GRB10: variants seen among roughly 807,000 people sequenced by gnomAD.
GRB10 encodes the protein growth factor receptor-bound protein 10.
A neutral mutation model predicts 80.9 loss-of-function variants in GRB10; 20 were observed. The ratio of observed to expected loss-of-function variants is 0.25; its 90% CI spans 0.17 to 0.36. The LOEUF (loss-of-function observed/expected upper bound fraction) is 0.36. GRB10 is among the 10% of genes least tolerant of loss of function. The pLI is 1.00. For missense variants in GRB10, 548 were observed against 747.7 expected (o/e 0.73, Z 3.12); for synonymous variants, 291 against 291.5 (o/e 1.00, Z 0.02).
intron 2 of GRB10, among the ~76,000 whole-genome samples, chr7:50,775,075 A>G (rs1177322366): frequency 6.7e-6 from 1 of 148,212 alleles, no homozygotes; most frequent in Non-Finnish European, 1.5e-5. Flanking sequence ...GTGGGAAGAT[A>G]GCTTGAGCCC....
chr7:50,724,650 C>T (rs1470523967), intron 4 of GRB10, among the ~76,000 whole-genome samples: 1 of 152,086 alleles, frequency 6.6e-6, no homozygotes, highest in Non-Finnish European at 1.5e-5. Context: ...GAGGGCTAGG[C>T]AAGACAGGAG....
intron 4 of GRB10, among the ~76,000 whole-genome samples, chr7:50,707,424 G>A (rs2153671370): frequency 6.6e-6 from 1 of 152,188 alleles, no homozygotes; most frequent in East Asian, 1.9e-4. Flanking sequence ...CCACAGAGCT[G>A]CCCGCTCCCG....
At chr7:50,672,752 C>T (rs1037993007) in intron 6 of GRB10, among the ~76,000 whole-genome samples, 2 of 152,236 alleles carry the variant, frequency 1.3e-5, no homozygotes, top group South Asian at 4.1e-4. Context: ...GGCACCTTCG[C>T]CATGCAACTG....
chr7:50,651,101 A>C (rs1470455766), intron 7 of GRB10, among the ~76,000 whole-genome samples: 1 of 152,216 alleles, frequency 6.6e-6, no homozygotes, highest in African/African-American at 2.4e-5. Flanking sequence ...TTATTCAACT[A>C]TATATTTTTC....
chr7:50,676,929 G>T (rs2061024352), intron 5 of GRB10, among the ~76,000 whole-genome samples: 1 of 152,200 alleles, frequency 6.6e-6, no homozygotes, highest in Non-Finnish European at 1.5e-5. Flanking sequence ...TGGCAGCGAT[G>T]AGATCACTGA....
intron 5 of GRB10, among the ~76,000 whole-genome samples, chr7:50,701,920 T>G (rs879028655): frequency 6.6e-6 from 1 of 152,260 alleles, no homozygotes; most frequent in African/African-American, 2.4e-5. Context: ...CACTTTTTTT[T>G]GTTGCATATA....
chr7:50,691,933 A>G (rs1038603997), intron 5 of GRB10, among the ~76,000 whole-genome samples: 10 of 152,212 alleles, frequency 6.6e-5, no homozygotes, highest in African/African-American at 2.2e-4. Context: ...GAAATAGCAC[A>G]GTTTCACCAT....
intron 7 of GRB10, among the ~76,000 whole-genome samples, chr7:50,632,214 T>G (rs1043742123): frequency 5.9e-5 from 9 of 152,224 alleles, no homozygotes; most frequent in African/African-American, 1.9e-4. Flanking sequence ...GCACTACACA[T>G]GATTATATGG....
chr7:50,765,972 A>C (rs915177167), intron 2 of GRB10, among the ~76,000 whole-genome samples: 4 of 152,240 alleles, frequency 2.6e-5, no homozygotes, highest in African/African-American at 9.6e-5. Flanking sequence ...CATCAATTAA[A>C]AAGTAATTAG....
rs548312331 is a variant in GRB10 at position 50,644,631 on chromosome 7, CTG to C, written c.505-17655_505-17654del. Among the ~76,000 whole-genome samples the C allele has an allele frequency of 2.6e-3, 390 of 152,322 alleles. 1 individual carries two copies. The highest frequency in any genetic ancestry group is 4.4e-3 in the Non-Finnish European group (302 of 68,032). ...CCATCAGTAAGCAGGACAGGTCTAA[CTG>C]TGATTTCCTGAGTAGGGAACCTCAG... On this transcript the variant is annotated intron_variant, in intron 7 of 18. Transcript: ENST00000401949.
chr7:50,757,671 A>C (rs11238311), intron 2 of GRB10, among the ~76,000 whole-genome samples: 94,551 of 152,176 alleles, frequency 0.62, 32,140 homozygotes, highest in Middle Eastern at 0.87. Flanking sequence ...TAAGTGACTA[A>C]AAGATAAGAA....
At chr7:50,639,853 A>T (rs6593080) in intron 7 of GRB10, among the ~76,000 whole-genome samples, 8,118 of 152,234 alleles carry the variant, frequency 0.053, 707 homozygotes, top group African/African-American at 0.18. Context: ...CTCATCTGCC[A>T]TTTTTTTAAA....
At chr7:50,731,100 A>C (rs891544863) in intron 4 of GRB10, among the ~76,000 whole-genome samples, 7 of 152,182 alleles carry the variant, frequency 4.6e-5, no homozygotes, top group Non-Finnish European at 4.4e-5. Context: ...CAAGAAGACA[A>C]TTATGCAGAG....
intron 4 of GRB10, among the ~76,000 whole-genome samples, chr7:50,722,046 G>T (rs1193309366): frequency 6.6e-6 from 1 of 152,192 alleles, no homozygotes; most frequent in Non-Finnish European, 1.5e-5. Flanking sequence ...AAGACAGGCT[G>T]AGGAGGCTGG....
intron 2 of GRB10, among the ~76,000 whole-genome samples, chr7:50,773,630 C>G (rs538821802): frequency 2.6e-5 from 4 of 152,262 alleles, no homozygotes; most frequent in Admixed American, 2.0e-4. Context: ...CTCTAGAAAA[C>G]AGTTTGGCAG....
At chr7:50,716,564 A>AT (rs1477579315) in intron 4 of GRB10, among the ~76,000 whole-genome samples, 3 of 152,224 alleles carry the variant, frequency 2.0e-5, no homozygotes, top group Non-Finnish European at 2.9e-5. Context: ...TGATGAAGAT[A>AT]AATATGCTCT....
Position 50,619,150 on chromosome 7 carries a change from C to G in GRB10, c.777+20G>C, listed in dbSNP as rs747885497. 7.1e-7 allele frequency: 1 copy of G among 1,413,226 alleles called. No individual in the cohort carries two copies. The allele number at this position is 1,413,226 out of a possible 1,614,324, so 87.5% of individuals were successfully genotyped here. On this transcript the variant is annotated intron_variant, in intron 9 of 18. Transcript: ENST00000401949. ...GATTTCAAGAGTCCCAAACCCCAAACCTGAAGAGGTAAGACTCACCATGGG... is the reference window on the plus strand; with the variant it reads ...GATTTCAAGAGTCCCAAACCCCAAAGCTGAAGAGGTAAGACTCACCATGGG...
At chr7:50,673,058 G>C (rs1253534031) in intron 6 of GRB10, among the ~76,000 whole-genome samples, 1 of 152,218 alleles carries the variant, frequency 6.6e-6, no homozygotes, top group African/African-American at 2.4e-5. Context: ...GCCACCTGGG[G>C]CAAGGTGATT....
chr7:50,635,456 C>T (rs946284720), intron 7 of GRB10, among the ~76,000 whole-genome samples: 1 of 151,876 alleles, frequency 6.6e-6, no homozygotes, highest in Admixed American at 6.6e-5. Context: ...CCCAATGTCA[C>T]ACCTCAAGGA....
Sources: allele counts gnomAD v4.1 joint callset (sites outside exome capture counted in the v4.1 genomes callset), GRCh38; gene constraint gnomAD v4.1.1; transcripts MANE v1.5; gene names NCBI Gene and HGNC (gene_info 2026-07-23, HGNC 2026-07-21).